Variants in TUSC3 observed in about 807,000 individuals in gnomAD.
TUSC3 encodes the protein tumor suppressor candidate 3, also known as dolichyl-diphosphooligosaccharide--protein glycosyltransferase subunit TUSC3.
A neutral mutation model predicts 44.8 loss-of-function variants in TUSC3; 45 were observed. The ratio of observed to expected loss-of-function variants is 1.00; its 90% CI spans 0.79 to 1.29. The LOEUF (loss-of-function observed/expected upper bound fraction) is 1.29. Among genes scored for constraint, TUSC3 ranks in the 50% most tolerant of loss-of-function variants. The pLI is 0.00. For synonymous variants in TUSC3, 212 were observed against 152.9 expected (o/e 1.39, Z -2.85); for missense variants, 519 against 437.9 (o/e 1.19, Z -1.65).
intron 1 of TUSC3, among the ~76,000 whole-genome samples, chr8:15,462,662 C>T (rs562753968): frequency 8.5e-5 from 13 of 152,192 alleles, no homozygotes; most frequent in East Asian, 1.9e-4. Context: ...AAAGTTGGTT[C>T]GCAGGCATTT....
intron 6 of TUSC3, among the ~76,000 whole-genome samples, chr8:15,700,784 G>A (rs1425131081): frequency 2.1e-5 from 3 of 144,036 alleles, no homozygotes; most frequent in African/African-American, 7.8e-5. Flanking sequence ...CTCTTTCAGT[G>A]TTTGTCTGAA....
At chr8:15,558,565 A>T (rs1802345248) in intron 1 of TUSC3, among the ~76,000 whole-genome samples, 1 of 73,620 alleles carries the variant, frequency 1.4e-5, no homozygotes, top group Non-Finnish European at 3.4e-5. Context: ...TGATTGGAAT[A>T]GTTTCAGAAG....
At chr8:15,423,506 A>T (rs1799763441) in intron 1 of TUSC3, among the ~76,000 whole-genome samples, 1 of 152,150 alleles carries the variant, frequency 6.6e-6, no homozygotes, top group African/African-American at 2.4e-5. Flanking sequence ...TCAAAATTGT[A>T]TTCTTTCGAT....
chr8:15,658,351 G>C (rs1181765840), intron 3 of TUSC3, among the ~76,000 whole-genome samples: 2 of 152,206 alleles, frequency 1.3e-5, no homozygotes, highest in African/African-American at 4.8e-5. Flanking sequence ...AATAATGACT[G>C]CTGTAGTCAG....
At chr8:15,771,890 C>T in the TUSC3 span, among the ~76,000 whole-genome samples, 2 of 152,054 alleles carry the variant, frequency 1.3e-5, no homozygotes, top group South Asian at 4.1e-4. Flanking sequence ...AGGTCGAGAC[C>T]ATCCTGGCTA....
At position 15,582,705 on chromosome 8, in the gene TUSC3, C is replaced by G. The variant is rs541995326; in HGVS notation, c.139-40375C>G. 7.9e-5 allele frequency among the ~76,000 whole-genome samples: 12 copies of G among 152,302 alleles called. No homozygotes were observed. The South Asian group carries it at 2.5e-3, about 32-fold the overall frequency. On this transcript the variant is annotated intron_variant, in intron 1 of 10. Transcript: ENST00000503731. Reference sequence around the variant, plus strand: ...AATGTAATTCTCTGCAAGCCTGCTGCTGAAACTGCCTGGTGTAACCTGAAA... The same window carrying G: ...AATGTAATTCTCTGCAAGCCTGCTGGTGAAACTGCCTGGTGTAACCTGAAA...
chr8:15,621,959 A>C (rs1805266194), intron 1 of TUSC3, among the ~76,000 whole-genome samples: 3 of 152,054 alleles, frequency 2.0e-5, no homozygotes, highest in Admixed American at 2.0e-4. Context: ...AGTGGGTGCA[A>C]AGCACTGCAA....
chr8:15,583,199 G>C (rs1221376067), intron 1 of TUSC3, among the ~76,000 whole-genome samples: 2 of 152,266 alleles, frequency 1.3e-5, no homozygotes, highest in Non-Finnish European at 2.9e-5. Context: ...AAATTAAATA[G>C]TATACTTTAG....
intron 6 of TUSC3, among the ~76,000 whole-genome samples, chr8:15,728,378 G>T (rs10098934): frequency 2.0e-5 from 3 of 150,238 alleles, no homozygotes; most frequent in African/African-American, 7.3e-5. Flanking sequence ...TCCTGGTAGC[G>T]GTGAAAAGTG....
At position 15,703,827 on chromosome 8, in the gene TUSC3, C is replaced by T. The variant is rs1352213424; in HGVS notation, c.799-26839C>T. ...AGCCCCACCTCCAACAAATGGGGAT[C>T]ACATTTCAACATGAGATTTGGAGGG... is the stretch of plus-strand genomic sequence containing the variant. On this transcript the variant is annotated intron_variant, in intron 6 of 10. Transcript: ENST00000503731. Among the ~76,000 whole-genome samples, 8 of 152,112 alleles carry T rather than the reference C, an allele frequency of 5.3e-5. No homozygotes were observed. The South Asian group carries it at 1.2e-3, about 24-fold the overall frequency.
chr8:15,840,791 C>G, the TUSC3 span, among the ~76,000 whole-genome samples: 1 of 152,136 alleles, frequency 6.6e-6, no homozygotes, highest in East Asian at 1.9e-4. Context: ...AATTTATCAT[C>G]TATCCACTTG....
intron 5 of TUSC3, among the ~76,000 whole-genome samples, chr8:15,669,605 TAAAC>T (rs966906573): frequency 9.2e-4 from 140 of 151,870 alleles, no homozygotes; most frequent in African/African-American, 3.0e-3. Context: ...TCTGTGCTAA[TAAAC>T]AAAAAAATAT....
At chr8:15,644,584 G>A (rs777686703) in intron 2 of TUSC3, among the ~76,000 whole-genome samples, 1 of 152,092 alleles carries the variant, frequency 6.6e-6, no homozygotes, top group African/African-American at 2.4e-5. Flanking sequence ...TCTGTCATTA[G>A]TTAGGTTTTC....
At chr8:15,674,847 C>G (rs987341094) in intron 6 of TUSC3, among the ~76,000 whole-genome samples, 1 of 151,992 alleles carries the variant, frequency 6.6e-6, no homozygotes, top group Non-Finnish European at 1.5e-5. Context: ...ATTCAAAATT[C>G]AGTTATACAA....
At chr8:15,791,842 C>T in the TUSC3 span, among the ~76,000 whole-genome samples, 1 of 152,144 alleles carries the variant, frequency 6.6e-6, no homozygotes, top group East Asian at 1.9e-4. Context: ...ACCACTCCAG[C>T]TCATCAACTG....
At chr8:15,644,288 G>T (rs1222563899) in intron 2 of TUSC3, among the ~76,000 whole-genome samples, 1 of 152,158 alleles carries the variant, frequency 6.6e-6, no homozygotes, top group East Asian at 1.9e-4. Context: ...CAGCGTGACT[G>T]CCCTCTTCAG....
At chr8:15,611,010 A>G (rs1035656786) in intron 1 of TUSC3, among the ~76,000 whole-genome samples, 1 of 152,114 alleles carries the variant, frequency 6.6e-6, no homozygotes, top group Non-Finnish European at 1.5e-5. Context: ...CTTCTTTTTC[A>G]AAAAAAGTGT....
intron 1 of TUSC3, among the ~76,000 whole-genome samples, chr8:15,470,023 A>C (rs1800464535): frequency 6.6e-6 from 1 of 152,120 alleles, no homozygotes; most frequent in African/African-American, 2.4e-5. Context: ...TGGAAGGCTA[A>C]GGAAGGAAGA....
chr8:15,540,717 CCTGGGGCGTTTCCGGGACG>C (rs1801658162), intron 1 of TUSC3, 149 bp downstream of exon 1: 2 of 1,145,588 alleles, frequency 1.7e-6, no homozygotes, highest in African/African-American at 3.3e-5. Context: ...GGTGGGAGGC[CCTGGGGCGTTTCCGGGACG>C]TGGAGTTAGC....
Sources: allele counts gnomAD v4.1 joint callset (sites outside exome capture counted in the v4.1 genomes callset), GRCh38; gene constraint gnomAD v4.1.1; transcripts MANE v1.5; gene names NCBI Gene and HGNC (gene_info 2026-07-23, HGNC 2026-07-21).